ZFHX3: variants seen among roughly 807,000 people sequenced by gnomAD.
ZFHX3 encodes zinc finger homeobox protein 3.
Under a neutral mutation model 279.1 loss-of-function variants are expected in ZFHX3, and 42 were observed. The ratio of observed to expected loss-of-function variants is 0.15; its 90% CI spans 0.12 to 0.19. ZFHX3 has a LOEUF of 0.19. Ranked by LOEUF, ZFHX3 falls within the 10% of genes least tolerant of loss-of-function variation. The probability of loss-of-function intolerance (pLI) is 1.00; values close to 1 mark genes in which losing one functional copy is unlikely to be tolerated. For synonymous variants in ZFHX3, 2,293 were observed against 1,957.8 expected (o/e 1.17, Z -4.52); for missense variants, 4,981 against 4,754.0 (o/e 1.05, Z -1.40).
At chr16:72,979,166 T>C (rs753494823) in intron 1 of ZFHX3, among the ~76,000 whole-genome samples, 5 of 152,220 alleles carry the variant, frequency 3.3e-5, no homozygotes, top group Non-Finnish European at 7.3e-5. Context: ...TAGCAGATGA[T>C]AGATTGTGAC....
intron 1 of ZFHX3, among the ~76,000 whole-genome samples, chr16:73,043,064 G>A (rs937469345): frequency 3.3e-5 from 5 of 151,978 alleles, no homozygotes; most frequent in Admixed American, 6.6e-5. Flanking sequence ...GTGGGAGTGC[G>A]GCAGATGTTT....
At chr16:72,948,686 T>C (rs1042154967) in intron 3 of ZFHX3, among the ~76,000 whole-genome samples, 1 of 152,206 alleles carries the variant, frequency 6.6e-6, no homozygotes, top group Non-Finnish European at 1.5e-5. Flanking sequence ...TTTCCTTGGA[T>C]GCAAGAGGCC....
intron 5 of ZFHX3, among the ~76,000 whole-genome samples, chr16:73,240,306 C>T (rs543002659): frequency 2.7e-4 from 41 of 152,078 alleles, no homozygotes; most frequent in African/African-American, 8.7e-4. Context: ...GCAACCTCCA[C>T]CTCCTGGGTT....
chr16:73,426,639 ATGTGTATG>A (rs1161484266), intron 3 of ZFHX3, among the ~76,000 whole-genome samples: 1 of 152,112 alleles, frequency 6.6e-6, no homozygotes, highest in Admixed American at 6.6e-5. Context: ...ATGAAGAAAT[ATGTGTATG>A]TGGGAGGTTT....
At chr16:73,277,373 G>A (rs2014327268) in intron 4 of ZFHX3, among the ~76,000 whole-genome samples, 1 of 152,190 alleles carries the variant, frequency 6.6e-6, no homozygotes, top group East Asian at 1.9e-4. Context: ...TGTCTCCAGA[G>A]GCCCAGAGCA....
intron 1 of ZFHX3, among the ~76,000 whole-genome samples, chr16:73,891,010 C>T (rs1597160841): frequency 6.8e-6 from 1 of 147,782 alleles, no homozygotes; most frequent in South Asian, 2.1e-4. Flanking sequence ...CCCCCTACCC[C>T]ACCTCGCCGC....
chr16:73,739,589 G>A (rs1434827103), intron 1 of ZFHX3, among the ~76,000 whole-genome samples: 1 of 152,154 alleles, frequency 6.6e-6, no homozygotes, highest in East Asian at 1.9e-4. Flanking sequence ...TTCCATGCCT[G>A]GTGAGTCAGT....
chr16:73,435,445 G>A (rs2017980596), intron 3 of ZFHX3, among the ~76,000 whole-genome samples: 1 of 152,086 alleles, frequency 6.6e-6, no homozygotes, highest in Non-Finnish European at 1.5e-5. Context: ...CCTGACCTCA[G>A]GTGATCTGCC....
At chr16:73,707,405 C>A (rs1461151185) in intron 1 of ZFHX3, among the ~76,000 whole-genome samples, 1 of 151,616 alleles carries the variant, frequency 6.6e-6, no homozygotes, top group Non-Finnish European at 1.5e-5. Context: ...TGGATGGAGA[C>A]CTAGATTATG....
At chr16:73,852,824 G>A (rs1479335714) in intron 1 of ZFHX3, among the ~76,000 whole-genome samples, 1 of 152,120 alleles carries the variant, frequency 6.6e-6, no homozygotes, top group East Asian at 1.9e-4. Flanking sequence ...AAAAAAGCTG[G>A]AACTTAACTA....
chr16:73,201,238 G>C (rs534492591), intron 5 of ZFHX3, among the ~76,000 whole-genome samples: 6 of 152,348 alleles, frequency 3.9e-5, no homozygotes, highest in African/African-American at 1.4e-4. Context: ...GTGGATGTGA[G>C]TTTGGGCTGC....
chr16:73,146,673 A>G (rs181240332), intron 5 of ZFHX3, among the ~76,000 whole-genome samples: 116 of 151,826 alleles, frequency 7.6e-4, no homozygotes, highest in African/African-American at 2.4e-3. Context: ...AATTATTATT[A>G]TTATTTTTTG....
At chr16:73,533,482 G>T (rs2019843180) in intron 2 of ZFHX3, among the ~76,000 whole-genome samples, 2 of 150,372 alleles carry the variant, frequency 1.3e-5, no homozygotes, top group South Asian at 4.3e-4. Context: ...TCTCCTACGG[G>T]TCATTATCCT....
chr16:73,751,358 A>C (rs1424029220), intron 1 of ZFHX3, among the ~76,000 whole-genome samples: 1 of 152,184 alleles, frequency 6.6e-6, no homozygotes, highest in Non-Finnish European at 1.5e-5. Flanking sequence ...TGAGTAGAAA[A>C]AACACAGTAT....
At chr16:73,540,687 C>G (rs998652152) in intron 2 of ZFHX3, among the ~76,000 whole-genome samples, 3 of 152,216 alleles carry the variant, frequency 2.0e-5, no homozygotes, top group Middle Eastern at 3.2e-3. Context: ...TGAAAATCAT[C>G]TCATTGTCCA....
intron 2 of ZFHX3, among the ~76,000 whole-genome samples, chr16:73,481,509 C>A (rs2018865919): frequency 6.7e-6 from 1 of 150,156 alleles, no homozygotes; most frequent in South Asian, 2.1e-4. Flanking sequence ...TCACGGCTTA[C>A]TGCAGCCTCA....
At position 73,761,470 on chromosome 16, in the gene ZFHX3, A is replaced by C. The variant is rs1326175835; in HGVS notation, c.-1607-81230T>G. On this transcript the variant is annotated intron_variant, in intron 1 of 17. Coordinates refer to the ZFHX3 transcript ENST00000641206. ...AACTCCAATTGACATTCTTCAGAGA[A>C]TTAGATAAAACTACTTTAAAATTCA... 6.6e-5 allele frequency among the ~76,000 whole-genome samples: 10 copies of C among 152,366 alleles called. No individual in the cohort carries two copies. In the East Asian group the frequency reaches 1.9e-3, roughly 29 times the overall value.
intron 2 of ZFHX3, among the ~76,000 whole-genome samples, chr16:73,483,595 G>T (rs573322946): frequency 3.3e-5 from 5 of 151,988 alleles, no homozygotes; most frequent in African/African-American, 7.3e-5. Context: ...CCTGGAAGAC[G>T]AGAACAAGAA....
At position 73,605,399 on chromosome 16, in the gene ZFHX3, C is replaced by T. The variant is rs372386258; in HGVS notation, c.-1547+74781G>A. ...CTAGGTTTGCCTGAAACACATTTTACGCTGGAAATCAGATCCTAACGTTAA... is the reference window on the plus strand; with the variant it reads ...CTAGGTTTGCCTGAAACACATTTTATGCTGGAAATCAGATCCTAACGTTAA... On this transcript the variant is annotated intron_variant, in intron 2 of 17. Transcript: ENST00000641206. Among the ~76,000 whole-genome samples, 58 of 152,288 alleles carry T rather than the reference C, an allele frequency of 3.8e-4. 2 individuals are homozygous for T. The highest frequency in any genetic ancestry group is 1.2e-3 in the African/African-American group (50 of 41,566).
Sources: gnomAD v4.1 joint callset for allele counts (sites outside exome capture counted in the v4.1 genomes callset) on GRCh38, gnomAD v4.1.1 for gene constraint, MANE v1.5 for transcripts, NCBI Gene and HGNC (gene_info 2026-07-23, HGNC 2026-07-21) for gene names.